The following HOXC4 variants were observed in gnomAD, a reference collection of about 807,000 sequenced individuals.
HOXC4 encodes homeobox protein Hox-C4.
HOXC4 carries 15 observed loss-of-function variants against 25.5 expected under a neutral mutation model. The observed-to-expected ratio is 0.59, with a 90% CI of 0.39 to 0.91. The LOEUF (loss-of-function observed/expected upper bound fraction) is 0.91, where lower values mean the gene tolerates loss of function less well. Ranked by LOEUF, HOXC4 falls within the 40% of genes least tolerant of loss-of-function variation. The pLI, the probability that HOXC4 is intolerant of heterozygous loss-of-function variation, is 0.00. For synonymous variants in HOXC4, 165 were observed against 148.0 expected (o/e 1.11, Z -0.83); for missense variants, 342 against 352.4 (o/e 0.97, Z 0.24).
chr12:54,054,871 G>A lies in HOXC4; in HGVS notation c.461G>A (p.Gly154Glu). The change falls in exon 2 of 2, where the codon GGG (glycine) becomes GAG (glutamate). Residue 154 changes from glycine (G) to glutamate (E), a missense_variant. Gly to Glu is a moderately conservative substitution (Grantham distance 98). Transcript: ENST00000430889. ...CCAGTGAACCCCAATTATAACGGAG[G>A]GGAACCCAAGCGCTCGAGGACAGCC... ...VSTVNPNYNG[G>E]EPKRSRTAYT... The A allele has an allele frequency of 1.2e-6, 2 of 1,608,548 alleles. No homozygotes were observed. Among genetic ancestry groups the A allele is most frequent in the Non-Finnish European group, 1.7e-6 (2 of 1,175,620 alleles).
chr12:54,028,979 C>G lies in HOXC4; in HGVS notation c.-124+11565C>G, dbSNP rs1025297090. 4.6e-6 allele frequency: 7 copies of G among 1,505,612 alleles called. No homozygotes were observed. In the East Asian group the frequency reaches 1.4e-4, roughly 29 times the overall value. 93.3% of individuals were successfully genotyped at this position (1,505,612 alleles called of 1,614,324 possible). ...TAAACTGAACTGGCTTTATGACCGG[C>G]TTCCCTAGAAGAACGGGCGGAGAGA... On this transcript the variant is annotated intron_variant, in intron 1 of 3. Transcript: ENST00000303406.
At chr12:54,051,436 A>G (rs1937844302), upstream of HOXC4, among the ~76,000 whole-genome samples, 2 of 149,186 alleles carry the variant, frequency 1.3e-5, no homozygotes, top group African/African-American at 5.0e-5. Context: ...AGACAACCCC[A>G]CACAACCCAA....
chr12:54,043,476 G>A (rs1941307699), intron 1 of HOXC4, among the ~76,000 whole-genome samples: 1 of 152,198 alleles, frequency 6.6e-6, no homozygotes, highest in South Asian at 2.1e-4. Flanking sequence ...GTATGGTAGA[G>A]GTCAGAAGCC....
intron 1 of HOXC4, among the ~76,000 whole-genome samples, chr12:54,018,573 A>C (rs984326040): frequency 6.6e-6 from 1 of 152,222 alleles, no homozygotes; most frequent in Non-Finnish European, 1.5e-5. Flanking sequence ...ATATGGTTTC[A>C]TAACACAGTG....
At chr12:54,052,509 ACT>A (rs1255403331), upstream of HOXC4, among the ~76,000 whole-genome samples, 1 of 151,264 alleles carries the variant, frequency 6.6e-6, no homozygotes, top group Non-Finnish European at 1.5e-5. Context: ...ACCCCCCGCA[ACT>A]CTGAGTTATG....
At chr12:54,021,039 C>T (rs1026609396) in intron 1 of HOXC4, 12 of 152,424 alleles carry the variant, frequency 7.9e-5, no homozygotes, top group African/African-American at 2.6e-4. Flanking sequence ...CTGGAAGCCT[C>T]ACTGGAGCGA....
chr12:54,052,370 C>T (rs1010672463), upstream of HOXC4, among the ~76,000 whole-genome samples: 1 of 152,216 alleles, frequency 6.6e-6, no homozygotes, highest in Admixed American at 6.5e-5. Flanking sequence ...AAACAGTTAA[C>T]TTTATGTGTC....
intron 1 of HOXC4, chr12:54,034,039 A>AC (rs768247704): frequency 2.9e-5 from 20 of 691,458 alleles, no homozygotes; most frequent in African/African-American, 1.3e-4. Context: ...CTTCCCCCCA[A>AC]CCCCCCCTCA....
chr12:54,052,266 C>A (rs1034147217), upstream of HOXC4, among the ~76,000 whole-genome samples: 4 of 152,218 alleles, frequency 2.6e-5, no homozygotes, highest in Non-Finnish European at 5.9e-5. Context: ...TTCCGCGAGA[C>A]TGATTTATGA....
chr12:54,019,301 T>C (rs1311826552), intron 1 of HOXC4, among the ~76,000 whole-genome samples: 1 of 151,376 alleles, frequency 6.6e-6, no homozygotes, highest in Non-Finnish European at 1.5e-5. Context: ...GCCCGCCGCC[T>C]GCTCAGGCTG....
chr12:54,023,475 C>T (rs746423), intron 1 of HOXC4, among the ~76,000 whole-genome samples: 17,056 of 152,174 alleles, frequency 0.11, 1,293 homozygotes, highest in Non-Finnish European at 0.17. Flanking sequence ...CTTTCTTCTC[C>T]GTTTAATTGT....
chr12:54,025,528 G>GC (rs1940654623), intron 1 of HOXC4, among the ~76,000 whole-genome samples: 1 of 26,040 alleles, frequency 3.8e-5, no homozygotes, highest in Non-Finnish European at 1.1e-4. Context: ...AAAGGTAATT[G>GC]GGGGGGGGGG....
At chr12:54,029,682 G>A (rs2136439230) in intron 1 of HOXC4, 1 of 1,613,670 alleles carries the variant, frequency 6.2e-7, no homozygotes. Flanking sequence ...GACCGGAGGC[G>A]CGGCCGCCAG....
chr12:54,042,240 G>T (rs1423555365), intron 1 of HOXC4, among the ~76,000 whole-genome samples: 1 of 152,034 alleles, frequency 6.6e-6, no homozygotes, highest in African/African-American at 2.4e-5. Flanking sequence ...TGCCTCCCAA[G>T]GTGCTGGGAT....
intron 1 of HOXC4, among the ~76,000 whole-genome samples, chr12:54,031,156 C>T (rs906654594): frequency 2.6e-5 from 4 of 152,240 alleles, no homozygotes; most frequent in Admixed American, 2.6e-4. Context: ...CCGGTGTCCT[C>T]GGCGTCCGAA....
chr12:54,029,445 A>T (rs1483537371), intron 1 of HOXC4, among the ~76,000 whole-genome samples: 1 of 102,310 alleles, frequency 9.8e-6, no homozygotes, highest in Non-Finnish European at 1.8e-5. Context: ...TCTTTGGGAC[A>T]CACAGGTCCC....
intron 1 of HOXC4, among the ~76,000 whole-genome samples, chr12:54,044,898 GA>G (rs1937665279): frequency 1.3e-5 from 2 of 152,158 alleles, no homozygotes; most frequent in South Asian, 2.1e-4. Context: ...CTACAGAGCT[GA>G]AGGAAAACAA....
At chr12:54,029,062 C>T in intron 1 of HOXC4, 1 of 821,642 alleles carries the variant, frequency 1.2e-6, no homozygotes, top group Non-Finnish European at 1.9e-6. Flanking sequence ...ACAGGGCCCC[C>T]TCTTCTGCCC....
At chr12:54,054,626 C>T (rs1304214928) in intron 1 of HOXC4, among the ~76,000 whole-genome samples, 5 of 152,144 alleles carry the variant, frequency 3.3e-5, no homozygotes, top group Non-Finnish European at 5.9e-5. Flanking sequence ...TGCTCGCTTT[C>T]TAAGGGCGCA....
Sources: allele counts gnomAD v4.1 joint callset (sites outside exome capture counted in the v4.1 genomes callset), GRCh38; gene constraint gnomAD v4.1.1; transcripts MANE v1.5; gene names NCBI Gene and HGNC (gene_info 2026-07-23, HGNC 2026-07-21).